The following RLIG1 variants were observed in gnomAD, a reference collection of about 807,000 sequenced individuals.
The protein encoded by RLIG1 is RNA ligase 1.
At chr12:88,045,490 T>G in the RLIG1 span, 13 of 914,784 alleles carry the variant, frequency 1.4e-5, no homozygotes, top group Non-Finnish European at 1.8e-5. Flanking sequence ...CCAGAAAACA[T>G]GAGAAATTTA....
At chr12:88,040,160 T>C in the RLIG1 span, 4 of 1,607,650 alleles carry the variant, frequency 2.5e-6, no homozygotes, top group East Asian at 9.0e-5. Flanking sequence ...ATTTAAAGTT[T>C]TGGCAACTGA....
At chr12:88,049,384 C>T in the RLIG1 span, 4 of 1,537,654 alleles carry the variant, frequency 2.6e-6, no homozygotes, top group East Asian at 2.3e-5. Flanking sequence ...TCAAAATTTT[C>T]CAGTTCTTTT....
At chr12:88,048,147 C>T in the RLIG1 span, 1 of 1,007,516 alleles carries the variant, frequency 9.9e-7, no homozygotes. Flanking sequence ...TTACCCAGTA[C>T]CTGGCAGACA....
the RLIG1 span, chr12:88,048,331 CTGCCTT>C: frequency 6.2e-7 from 1 of 1,606,362 alleles, no homozygotes; most frequent in Non-Finnish European, 8.5e-7. Flanking sequence ...AAATGTGACT[CTGCCTT>C]TGATATTAAG....
chr12:88,049,594 G>A, the RLIG1 span: 4 of 487,824 alleles, frequency 8.2e-6, no homozygotes, highest in Non-Finnish European at 1.5e-5. Context: ...TAACTAAGTT[G>A]TTAACTGTCA....
At chr12:88,036,637 A>G in the RLIG1 span, among the ~76,000 whole-genome samples, 31 of 152,316 alleles carry the variant, frequency 2.0e-4, no homozygotes, top group Admixed American at 1.4e-3. Context: ...CCAGTTTTCC[A>G]TTCACCTTGA....
chr12:88,045,920 GTTAAC>G, the RLIG1 span: 11 of 644,744 alleles, frequency 1.7e-5, no homozygotes, highest in East Asian at 3.1e-4. Context: ...ATCCATTTCT[GTTAAC>G]TTTACATTCA....
the RLIG1 span, among the ~76,000 whole-genome samples, chr12:88,039,839 A>G: frequency 6.6e-6 from 1 of 152,220 alleles, no homozygotes; most frequent in Non-Finnish European, 1.5e-5. Context: ...CATTTAGTAA[A>G]TAATTGCAGG....
the RLIG1 span, chr12:88,045,894 A>G: frequency 5.2e-6 from 4 of 771,372 alleles, no homozygotes; most frequent in Non-Finnish European, 8.3e-6. Context: ...AATTTGAGTT[A>G]GTTTCCTAGG....
At chr12:88,049,523 C>G in the RLIG1 span, 65 of 648,796 alleles carry the variant, frequency 1.0e-4, no homozygotes, top group Non-Finnish European at 1.3e-4. Flanking sequence ...CCTGAATGGT[C>G]AAATACAGCA....
the RLIG1 span, chr12:88,036,099 TACTTTTCA>T: frequency 7.4e-7 from 1 of 1,342,872 alleles, no homozygotes; most frequent in Non-Finnish European, 9.8e-7. Flanking sequence ...CAAGCTTTAC[TACTTTTCA>T]AGAGTGCAGT....
chr12:88,036,398 T>C, the RLIG1 span, among the ~76,000 whole-genome samples: 2 of 152,214 alleles, frequency 1.3e-5, no homozygotes, highest in Non-Finnish European at 2.9e-5. Context: ...CAGTGATTAG[T>C]TGGGTGCTTC....
At chr12:88,035,902 G>T in the RLIG1 span, 7 of 1,505,718 alleles carry the variant, frequency 4.6e-6, no homozygotes, top group Middle Eastern at 3.6e-4. Flanking sequence ...AGTTCCGTAC[G>T]CCCTGAGCTC....
the RLIG1 span, chr12:88,035,913 C>G: frequency 1.3e-6 from 2 of 1,508,618 alleles, no homozygotes; most frequent in Admixed American, 2.1e-5. Flanking sequence ...CCCTGAGCTC[C>G]AGGTTCTTGT....
chr12:88,036,922 C>A, the RLIG1 span, among the ~76,000 whole-genome samples: 1 of 152,042 alleles, frequency 6.6e-6, no homozygotes, highest in Admixed American at 6.6e-5. Context: ...TTTTCAACTT[C>A]GTATGTTTGA....
the RLIG1 span, among the ~76,000 whole-genome samples, chr12:88,043,278 ATATC>A: frequency 2.6e-5 from 4 of 152,206 alleles, no homozygotes; most frequent in East Asian, 1.9e-4. Context: ...TACTCATTGT[ATATC>A]TATGCATTCA....
At chr12:88,048,868 A>G in the RLIG1 span, 1 of 203,204 alleles carries the variant, frequency 4.9e-6, no homozygotes, top group Non-Finnish European at 9.7e-6. Flanking sequence ...AAATAAGTAT[A>G]TATAAACTCC....
chr12:88,045,110 C>T, the RLIG1 span: 4 of 153,404 alleles, frequency 2.6e-5, no homozygotes, highest in Admixed American at 2.6e-4. Flanking sequence ...GGAATTCTGG[C>T]AATAAGAATG....
chr12:88,040,796 ATT>A, the RLIG1 span, among the ~76,000 whole-genome samples: 138 of 150,822 alleles, frequency 9.1e-4, 1 homozygote, highest in Admixed American at 2.6e-4. Flanking sequence ...CGGAAAAGAG[ATT>A]TTTTTTTTTG....
Sources: allele counts gnomAD v4.1 joint callset (sites outside exome capture counted in the v4.1 genomes callset), GRCh38; gene constraint gnomAD v4.1.1; transcripts MANE v1.5; gene names NCBI Gene and HGNC (gene_info 2026-07-23, HGNC 2026-07-21).